Variants in CSMD1 observed in about 807,000 individuals in gnomAD.
The protein encoded by CSMD1 is CUB and sushi domain-containing protein 1.
A neutral mutation model predicts 417.5 loss-of-function variants in CSMD1; 213 were observed. That is an observed-to-expected ratio of 0.51 (90% CI 0.46 to 0.57). The LOEUF (loss-of-function observed/expected upper bound fraction) is 0.57. Among genes scored for constraint, CSMD1 ranks in the 20% least tolerant of loss-of-function variants. CSMD1 has a pLI of 0.00. For missense variants in CSMD1, 6,923 were observed against 4,529.7 expected (o/e 1.53, Z -15.17); for synonymous variants, 2,862 against 1,736.8 (o/e 1.65, Z -16.11).
intron 7 of CSMD1, among the ~76,000 whole-genome samples, chr8:3,617,434 T>C (rs17066598): frequency 0.029 from 4,443 of 152,308 alleles, 198 homozygotes; most frequent in African/African-American, 0.1. Flanking sequence ...ATTCATTTCA[T>C]CCTGTATAAT....
intron 2 of CSMD1, among the ~76,000 whole-genome samples, chr8:4,636,450 G>C (rs1372065540): frequency 6.6e-6 from 1 of 152,124 alleles, no homozygotes; most frequent in Non-Finnish European, 1.5e-5. Context: ...GAATGCAATA[G>C]CCCTGAATGT....
intron 1 of CSMD1, among the ~76,000 whole-genome samples, chr8:4,756,168 G>C (rs890506201): frequency 2.0e-5 from 3 of 152,108 alleles, no homozygotes; most frequent in African/African-American, 7.2e-5. Context: ...TTCTATAATT[G>C]CACACACATT....
chr8:3,218,223 G>T (rs149162371), intron 29 of CSMD1, among the ~76,000 whole-genome samples: 137 of 152,248 alleles, frequency 9.0e-4, no homozygotes, highest in African/African-American at 3.2e-3. Flanking sequence ...GCTGACTGAG[G>T]CAGGGAAGGG....
At chr8:4,091,501 G>A (rs996320321) in intron 3 of CSMD1, among the ~76,000 whole-genome samples, 7 of 152,162 alleles carry the variant, frequency 4.6e-5, no homozygotes, top group Non-Finnish European at 8.8e-5. Flanking sequence ...CTTATATGCT[G>A]CATTGCTGGA....
intron 2 of CSMD1, among the ~76,000 whole-genome samples, chr8:4,538,363 C>G (rs1585221542): frequency 6.6e-6 from 1 of 151,628 alleles, no homozygotes. Context: ...TTTTAAAAGG[C>G]TGGGTGCGAT....
intron 3 of CSMD1, among the ~76,000 whole-genome samples, chr8:4,183,771 A>T (rs1798512116): frequency 6.6e-6 from 1 of 152,208 alleles, no homozygotes; most frequent in African/African-American, 2.4e-5. Context: ...TTCGTTGATG[A>T]AAGCTTTTCT....
At chr8:3,625,336 G>C (rs1338922995) in intron 7 of CSMD1, among the ~76,000 whole-genome samples, 1 of 152,120 alleles carries the variant, frequency 6.6e-6, no homozygotes, top group Non-Finnish European at 1.5e-5. Flanking sequence ...TCTCCAATTG[G>C]ACGTGAAGAG....
intron 3 of CSMD1, among the ~76,000 whole-genome samples, chr8:4,226,721 TG>T (rs1801382409): frequency 6.6e-6 from 1 of 151,814 alleles, no homozygotes; most frequent in Non-Finnish European, 1.5e-5. Flanking sequence ...GAAAAAAAAA[TG>T]AGTTTTTAAT....
intron 7 of CSMD1, among the ~76,000 whole-genome samples, chr8:3,621,067 T>G (rs561883198): frequency 3.9e-5 from 6 of 152,286 alleles, no homozygotes. Context: ...GGAAAGTCCA[T>G]GTGAAGACAC....
intron 3 of CSMD1, among the ~76,000 whole-genome samples, chr8:4,339,071 G>C (rs1431611653): frequency 6.6e-6 from 1 of 152,088 alleles, no homozygotes; most frequent in African/African-American, 2.4e-5. Flanking sequence ...TGCTTGGGTA[G>C]TAGAGGCATG....
intron 25 of CSMD1, among the ~76,000 whole-genome samples, chr8:3,296,777 G>C (rs916603380): frequency 2.0e-5 from 3 of 152,128 alleles, no homozygotes; most frequent in East Asian, 1.9e-4. Context: ...GAAAAGTGGA[G>C]TTGTCATCCA....
intron 5 of CSMD1, among the ~76,000 whole-genome samples, chr8:3,944,738 C>T (rs1018395094): frequency 6.6e-6 from 1 of 152,070 alleles, no homozygotes; most frequent in Non-Finnish European, 1.5e-5. Context: ...CAAAATAATG[C>T]ACTTTTCAAA....
rs543993688 is a variant in CSMD1, at chr8:3,827,477, C to T, written c.819-73435G>A. ...AGTGCAAAACCTGTGTGGTCTTTCA[C>T]GACGTGGTTTTTAACTTGTAATTCC... On this transcript the variant is annotated intron_variant, in intron 5 of 69. Transcript: ENST00000635120. Among the ~76,000 whole-genome samples, 38 of 152,292 alleles carry T rather than the reference C, an allele frequency of 2.5e-4. No individual in the cohort carries two copies. In the South Asian group the frequency reaches 4.8e-3, roughly 19 times the overall value.
intron 50 of CSMD1, among the ~76,000 whole-genome samples, chr8:3,033,593 C>G (rs926189871): frequency 6.6e-6 from 1 of 151,888 alleles, no homozygotes; most frequent in African/African-American, 2.4e-5. Context: ...ACACCAGGGC[C>G]TGTCGGGAGG....
At chr8:3,580,679 T>A (rs536257743) in intron 9 of CSMD1, among the ~76,000 whole-genome samples, 2 of 152,242 alleles carry the variant, frequency 1.3e-5, no homozygotes, top group East Asian at 1.9e-4. Flanking sequence ...TTCTCCAAAT[T>A]CACAGGAATT....
intron 4 of CSMD1, among the ~76,000 whole-genome samples, chr8:4,030,205 G>C (rs1278419033): frequency 0.026 from 1 of 38 alleles, no homozygotes; most frequent in Non-Finnish European, 0.071. Context: ...GCTCAACTAG[G>C]GCGGTGCCCC....
intron 28 of CSMD1, among the ~76,000 whole-genome samples, chr8:3,222,555 C>G (rs956212505): frequency 7.9e-5 from 12 of 152,138 alleles, no homozygotes. Context: ...AAGTGCTCCC[C>G]ATCTTGGCCT....
chr8:3,508,838 C>A (rs78789233), intron 10 of CSMD1, among the ~76,000 whole-genome samples: 2 of 152,142 alleles, frequency 1.3e-5, no homozygotes, highest in African/African-American at 4.8e-5. Context: ...TCAGCTGTCA[C>A]TCTCCTACAC....
chr8:4,122,240 G>C (rs528743735), intron 3 of CSMD1, among the ~76,000 whole-genome samples: 1 of 152,242 alleles, frequency 6.6e-6, no homozygotes, highest in South Asian at 2.1e-4. Flanking sequence ...GGGAAGTGCA[G>C]TTGGTTTGAC....
Sources: gnomAD v4.1 joint callset for allele counts (sites outside exome capture counted in the v4.1 genomes callset) on GRCh38, gnomAD v4.1.1 for gene constraint, MANE v1.5 for transcripts, NCBI Gene and HGNC (gene_info 2026-07-23, HGNC 2026-07-21) for gene names.